The following TTLL5 variants were observed in gnomAD, a reference collection of about 807,000 sequenced individuals.
TTLL5 encodes the protein tubulin polyglutamylase TTLL5.
In TTLL5, 132 loss-of-function variants were observed where a neutral mutation model predicts 168.4. The observed-to-expected ratio is 0.78, with a 90% CI of 0.68 to 0.91. TTLL5 has a LOEUF of 0.91. Ranked by LOEUF, TTLL5 falls within the 40% of genes least tolerant of loss-of-function variation. TTLL5 has a pLI of 0.00. For missense variants in TTLL5, 1,545 were observed against 1,581.5 expected (o/e 0.98, Z 0.39); for synonymous variants, 546 against 558.6 (o/e 0.98, Z 0.32).
At chr14:75,873,830 A>G (rs1205106061) in intron 29 of TTLL5, among the ~76,000 whole-genome samples, 1 of 152,198 alleles carries the variant, frequency 6.6e-6, no homozygotes, top group Non-Finnish European at 1.5e-5. Context: ...TATACATGGC[A>G]TTATGATGTC....
chr14:75,727,534 G>C (rs926134193), intron 12 of TTLL5, among the ~76,000 whole-genome samples: 7 of 152,164 alleles, frequency 4.6e-5, no homozygotes, highest in African/African-American at 1.7e-4. Flanking sequence ...TGCTGAGGGT[G>C]GGAGTGCGAC....
intron 31 of TTLL5, among the ~76,000 whole-genome samples, chr14:75,926,546 AT>A (rs1340602179): frequency 6.6e-6 from 1 of 152,234 alleles, no homozygotes; most frequent in Non-Finnish European, 1.5e-5. Context: ...CAAAAAAGAT[AT>A]ACAAATGACC....
intron 31 of TTLL5, among the ~76,000 whole-genome samples, chr14:75,917,373 T>C (rs1236964560): frequency 2.0e-5 from 3 of 152,242 alleles, no homozygotes; most frequent in Non-Finnish European, 4.4e-5. Context: ...AGTTTTTTTC[T>C]AGAAGCTGCT....
chr14:75,806,876 G>A (rs763916211), intron 27 of TTLL5, among the ~76,000 whole-genome samples: 7 of 152,172 alleles, frequency 4.6e-5, no homozygotes, highest in Non-Finnish European at 8.8e-5. Flanking sequence ...CACTCAGTAC[G>A]TATTTTTTGA....
At chr14:75,751,914 C>G (rs922562271) in intron 17 of TTLL5, among the ~76,000 whole-genome samples, 2 of 152,186 alleles carry the variant, frequency 1.3e-5, no homozygotes, top group African/African-American at 4.8e-5. Context: ...CTGGTTGCCC[C>G]TTTTTATGGT....
intron 18 of TTLL5, among the ~76,000 whole-genome samples, chr14:75,761,166 A>G (rs1890621143): frequency 6.6e-6 from 1 of 152,208 alleles, no homozygotes; most frequent in Non-Finnish European, 1.5e-5. Context: ...GGGAATTACA[A>G]AGTAAAACCA....
intron 29 of TTLL5, among the ~76,000 whole-genome samples, chr14:75,882,083 T>TTAGGTCAACAAAGTGTTTC (rs1338751966): frequency 6.6e-6 from 1 of 152,196 alleles, no homozygotes; most frequent in Non-Finnish European, 1.5e-5. Flanking sequence ...ATGTTAATCT[T>TTAGGTCAACAAAGTGTTTC]TAGGTCAACA....
intron 30 of TTLL5, among the ~76,000 whole-genome samples, chr14:75,884,298 C>A (rs961510229): frequency 6.6e-6 from 1 of 152,206 alleles, no homozygotes; most frequent in Admixed American, 6.5e-5. Flanking sequence ...CTTGTGGATT[C>A]TCTGATTATT....
chr14:75,928,582 A>G (rs896061648), intron 31 of TTLL5, among the ~76,000 whole-genome samples: 13 of 151,848 alleles, frequency 8.6e-5, no homozygotes, highest in Non-Finnish European at 1.9e-4. Context: ...TGTATTTCTC[A>G]GCATTCTACG....
rs543743763 is a variant in TTLL5 at position 75,707,636 on chromosome 14, C to T, written c.669C>T (p.Asp223=). ...TTTTTTTTTTAGATTTCAAGTTTGA[C>T]GTGCGCCTCTATGTGCTCGTGACTT... The part of the protein sequence containing the change: ...NPLLIDDFKF[D]VRLYVLVTSY... The change falls in exon 9 of 32, where the codon GAC becomes GAT. Residue 223 remains aspartate (D), a synonymous_variant. Transcript: ENST00000298832. 3.4e-5 allele frequency: 54 copies of T among 1,595,192 alleles called. No individual in the cohort carries two copies. The highest frequency in any genetic ancestry group is 1.6e-4 in the African/African-American group (12 of 73,842).
In TTLL5 at chr14:75,866,976, A is replaced by T. The variant is rs1042667263; in HGVS notation, c.3522+3114A>T. On this transcript the variant is annotated intron_variant, in intron 29 of 31. Transcript: ENST00000298832. ...AGCATAATAAACAAAATAAGACAAAATTGAAACAATGAGCTTTTACACACT... is the reference window on the plus strand; with the variant it reads ...AGCATAATAAACAAAATAAGACAAATTTGAAACAATGAGCTTTTACACACT... 2.0e-5 allele frequency among the ~76,000 whole-genome samples: 3 copies of T among 152,230 alleles called. No individual in the cohort carries two copies. In the East Asian group the frequency reaches 5.8e-4, roughly 29 times the overall value.
chr14:75,950,616 A>G (rs1159642917), intron 31 of TTLL5, among the ~76,000 whole-genome samples: 1 of 152,184 alleles, frequency 6.6e-6, no homozygotes, highest in Non-Finnish European at 1.5e-5. Context: ...TGATGAGAAC[A>G]TGGAAGTGTA....
At chr14:75,925,779 C>G (rs1595281433) in intron 31 of TTLL5, among the ~76,000 whole-genome samples, 1 of 152,050 alleles carries the variant, frequency 6.6e-6, no homozygotes, top group Non-Finnish European at 1.5e-5. Flanking sequence ...CTGAGTGAAC[C>G]AGACTCCGTC....
At chr14:75,898,301 TC>T (rs1286283177) in intron 30 of TTLL5, among the ~76,000 whole-genome samples, 1 of 152,182 alleles carries the variant, frequency 6.6e-6, no homozygotes, top group African/African-American at 2.4e-5. Flanking sequence ...CGTGGGACTT[TC>T]TTATAGCAAG....
chr14:75,662,334 T>G (rs1467464009), intron 1 of TTLL5, among the ~76,000 whole-genome samples: 1 of 151,702 alleles, frequency 6.6e-6, no homozygotes, highest in Non-Finnish European at 1.5e-5. Flanking sequence ...TTGTTGTTTT[T>G]TTTTTTTTGA....
At chr14:75,922,350 A>G (rs1318257857) in intron 31 of TTLL5, among the ~76,000 whole-genome samples, 1 of 152,168 alleles carries the variant, frequency 6.6e-6, no homozygotes, top group African/African-American at 2.4e-5. Flanking sequence ...CCCATTCAGT[A>G]TGATATTGGC....
At chr14:75,738,855 A>T (rs1244968354) in intron 15 of TTLL5, among the ~76,000 whole-genome samples, 3 of 152,128 alleles carry the variant, frequency 2.0e-5, no homozygotes, top group Non-Finnish European at 1.5e-5. Flanking sequence ...CCCAGGCTGG[A>T]GTGCAGTGAC....
rs1042746556 is a variant in TTLL5 at position 75,723,094 on chromosome 14, G to A, written c.1042+2391G>A. On this transcript the variant is annotated intron_variant, in intron 12 of 31. Transcript: ENST00000298832. ...CCTTGAGGACAGTAAGAATATCTCC[G>A]TCAGTTTTGCCCCCACCATGCATGG... Among the ~76,000 whole-genome samples, 7 of 152,014 alleles carry A rather than the reference G, an allele frequency of 4.6e-5. No individual in the cohort carries two copies. The East Asian group carries it at 9.6e-4, about 21-fold the overall frequency.
intron 9 of TTLL5, among the ~76,000 whole-genome samples, chr14:75,712,924 A>G (rs1887192256): frequency 6.6e-6 from 1 of 152,178 alleles, no homozygotes; most frequent in Non-Finnish European, 1.5e-5. Flanking sequence ...GGGGGCGGCA[A>G]ATAGTTCTAT....
Sources: allele counts gnomAD v4.1 joint callset (sites outside exome capture counted in the v4.1 genomes callset), GRCh38; gene constraint gnomAD v4.1.1; transcripts MANE v1.5; gene names NCBI Gene and HGNC (gene_info 2026-07-23, HGNC 2026-07-21).